The following CEP76 variants were observed in gnomAD, a reference collection of about 807,000 sequenced individuals.
CEP76 encodes the protein centrosomal protein 76.
Under a neutral mutation model 83.3 loss-of-function variants are expected in CEP76, and 55 were observed. The observed-to-expected ratio is 0.66, with a 90% CI of 0.53 to 0.83. The LOEUF (loss-of-function observed/expected upper bound fraction) is 0.83, where lower values mean the gene tolerates loss of function less well. Ranked by LOEUF, CEP76 falls within the 40% of genes least tolerant of loss-of-function variation. The pLI is 0.00. For synonymous variants in CEP76, 270 were observed against 274.5 expected (o/e 0.98, Z 0.16); for missense variants, 694 against 799.5 (o/e 0.87, Z 1.59).
At chr18:12,679,919 G>T (rs957138727) in intron 9 of CEP76, among the ~76,000 whole-genome samples, 1 of 152,012 alleles carries the variant, frequency 6.6e-6, no homozygotes, top group African/African-American at 2.4e-5. Context: ...AGCTAGGCAT[G>T]GCTGTGCACA....
chr18:12,691,843 G>A (rs186700068), intron 6 of CEP76, among the ~76,000 whole-genome samples: 13 of 151,998 alleles, frequency 8.6e-5, no homozygotes, highest in African/African-American at 2.9e-4. Flanking sequence ...AGCCTCCTGA[G>A]TAGCTGGGAC....
At chr18:12,688,300 T>C (rs934801588) in intron 7 of CEP76, among the ~76,000 whole-genome samples, 1 of 151,918 alleles carries the variant, frequency 6.6e-6, no homozygotes, top group Non-Finnish European at 1.5e-5. Flanking sequence ...TAAAGTTTCT[T>C]GCACTAAAAA....
chr18:12,690,220 C>T (rs2039702362), intron 7 of CEP76, among the ~76,000 whole-genome samples: 1 of 152,234 alleles, frequency 6.6e-6, no homozygotes, highest in Non-Finnish European at 1.5e-5. Context: ...ATTCCCACCT[C>T]TAGTCAACCT....
At chr18:12,702,361 T>G in intron 1 of CEP76, 125 bp downstream of exon 1, 1 of 717,662 alleles carries the variant, frequency 1.4e-6, no homozygotes, top group Non-Finnish European at 2.4e-6. Context: ...TACTCTGCGT[T>G]GCGCACCCCA....
chr18:12,697,504 T>G, intron 4 of CEP76, 96 bp from the exon 5 acceptor site: 2 of 837,370 alleles, frequency 2.4e-6, no homozygotes, highest in Non-Finnish European at 3.5e-6. Flanking sequence ...AATAAGCTTA[T>G]ATAAAACCAA....
chr18:12,695,786 G>A (rs1322869797), intron 5 of CEP76, among the ~76,000 whole-genome samples: 1 of 151,208 alleles, frequency 6.6e-6, no homozygotes, highest in African/African-American at 2.4e-5. Context: ...TTAATTAAAT[G>A]TATAATATCA....
chr18:12,696,955 A>C (rs1375588773), intron 5 of CEP76, among the ~76,000 whole-genome samples: 1 of 152,208 alleles, frequency 6.6e-6, no homozygotes, highest in Non-Finnish European at 1.5e-5. Context: ...ATGAACTTGA[A>C]ATTAAAACCC....
At chr18:12,686,992 A>G (rs2039562094) in intron 7 of CEP76, among the ~76,000 whole-genome samples, 1 of 152,198 alleles carries the variant, frequency 6.6e-6, no homozygotes, top group African/African-American at 2.4e-5. Flanking sequence ...AACACTCTAG[A>G]AAAAGTTTTA....
chr18:12,678,288 A>C lies in CEP76; in HGVS notation c.1444T>G (p.Leu482Val). Residue 482 changes from leucine (L) to valine (V), a missense_variant, in exon 10 of 12, where the codon TTG (leucine) becomes GTG (valine). Coordinates refer to ENST00000262127, the MANE Select transcript of CEP76 (RefSeq NM_024899.4). ...GGTTTCCATTTGGATTCATCGTTCA[A>C]ATCAAATACACAGGTTTCTACTGCA... ...SDAVETCVFD[L>V]NDESKWKPMS... is the part of the protein sequence containing the mutation. 6.2e-7 allele frequency: 1 copy of C among 1,614,158 alleles called. No homozygotes were observed. The highest frequency in any genetic ancestry group is 8.5e-7 in the Non-Finnish European group (1 of 1,180,042).
At chr18:12,691,961 C>T (rs138657471) in intron 6 of CEP76, among the ~76,000 whole-genome samples, 4,453 of 152,086 alleles carry the variant, frequency 0.029, 227 homozygotes, top group African/African-American at 0.1. Flanking sequence ...GCTCATGATC[C>T]GCCCGCCTTG....
intron 8 of CEP76, among the ~76,000 whole-genome samples, chr18:12,683,203 A>AAAAAAAAAAAAAAAAAC (rs2044105607): frequency 6.7e-6 from 1 of 148,458 alleles, no homozygotes; most frequent in Non-Finnish European, 1.5e-5. Flanking sequence ...AAAAAAAAAA[A>AAAAAAAAAAAAAAAAAC]AGCCAGGCAT....
At chr18:12,684,693 G>C (rs1318199485) in intron 8 of CEP76, 1 of 151,326 alleles carries the variant, frequency 6.6e-6, no homozygotes, top group East Asian at 2.0e-4. Flanking sequence ...ATGTTAGCCA[G>C]GCTGTTCTAG....
intron 9 of CEP76, among the ~76,000 whole-genome samples, chr18:12,680,130 ACATCATGTTGGTAAAG>A: frequency 6.6e-6 from 1 of 152,106 alleles, no homozygotes; most frequent in Non-Finnish European, 1.5e-5. Flanking sequence ...CTGTTTACCA[ACATCATGTTGGTAAAG>A]AATATTTGAG....
intron 10 of CEP76, 54 bp from the exon 11 acceptor site, chr18:12,674,807 C>G: frequency 8.9e-7 from 1 of 1,129,780 alleles, no homozygotes; most frequent in East Asian, 2.6e-5. Flanking sequence ...ATTTTTAAAA[C>G]CAACTAAATA....
At position 12,697,250 on chromosome 18, in the gene CEP76, T is replaced by C. The variant is rs1257870838; in HGVS notation, c.679A>G (p.Ser227Gly). The change falls in exon 5 of 12, where the codon AGT (serine) becomes GGT (glycine). Residue 227 changes from serine to glycine, a missense_variant. Physicochemically the swap from Ser to Gly is moderately conservative, Grantham distance 56 (BLOSUM62 0). Transcript: ENST00000262127. ...SVLGSENGVT[S>G]LTVELMGVGT... ...ACACCCATAAGTTCCACAGTCAGACTGGTCACTCCATTTTCTGAGCCCAAA... is the reference window on the plus strand; with the variant it reads ...ACACCCATAAGTTCCACAGTCAGACCGGTCACTCCATTTTCTGAGCCCAAA... The C allele has an allele frequency of 1.2e-6, 2 of 1,613,550 alleles. No homozygotes were observed. The highest frequency in any genetic ancestry group is 1.1e-5 in the South Asian group (1 of 90,968).
At chr18:12,683,669 T>C (rs925667139) in intron 8 of CEP76, among the ~76,000 whole-genome samples, 1 of 151,474 alleles carries the variant, frequency 6.6e-6, no homozygotes, top group African/African-American at 2.4e-5. Context: ...GAGAATCGCT[T>C]GAACCCAGGA....
intron 6 of CEP76, among the ~76,000 whole-genome samples, chr18:12,694,329 G>A (rs1408509091): frequency 2.6e-5 from 4 of 152,234 alleles, no homozygotes; most frequent in Non-Finnish European, 4.4e-5. Flanking sequence ...GCAGGGTGGA[G>A]TAAAGGGTGG....
chr18:12,694,033 A>G (rs962424286), intron 6 of CEP76, among the ~76,000 whole-genome samples: 3 of 152,054 alleles, frequency 2.0e-5, no homozygotes, highest in Non-Finnish European at 2.9e-5. Flanking sequence ...GGGTCTCACT[A>G]TGTTGCCCAA....
Position 12,673,127 on chromosome 18 carries a change from A to G in CEP76, c.*238T>C, listed in dbSNP as rs1485859619. 1 of 1,092,730 alleles carries G rather than the reference A, an allele frequency of 9.2e-7. No individual in the cohort carries two copies. The highest frequency in any genetic ancestry group is 1.1e-6 in the Non-Finnish European group (1 of 879,330). 67.7% of individuals were successfully genotyped at this position (1,092,730 alleles called of 1,614,324 possible). A position where few individuals can be genotyped will look rare whatever the true frequency, so the allele number is the denominator to read the frequency against. ...TAAACAAAGTAGCATTTATTAAAAT[A>G]GAATATACACTTAATTTATACTAAA... On this transcript the variant is annotated 3_prime_UTR_variant, in exon 12 of 12. Coordinates refer to ENST00000262127, the MANE Select transcript of CEP76 (RefSeq NM_024899.4).
Sources: allele counts gnomAD v4.1 joint callset (sites outside exome capture counted in the v4.1 genomes callset), GRCh38; gene constraint gnomAD v4.1.1; transcripts MANE v1.5; gene names NCBI Gene and HGNC (gene_info 2026-07-23, HGNC 2026-07-21).